NID2: variants seen among roughly 807,000 people sequenced by gnomAD.
NID2 encodes nidogen-2.
NID2 carries 83 observed loss-of-function variants against 145.4 expected under a neutral mutation model. That is an observed-to-expected ratio of 0.57 (90% CI 0.48 to 0.69). The LOEUF (loss-of-function observed/expected upper bound fraction) is 0.69. Ranked by LOEUF, NID2 falls within the 30% of genes least tolerant of loss-of-function variation. The pLI is 0.00. For synonymous variants in NID2, 739 were observed against 701.3 expected, an observed-to-expected ratio of 1.05 and a Z score of -0.85; for missense variants, 1,807 against 1,765.7, an observed-to-expected ratio of 1.02 and a Z score of -0.42.
chr14:52,047,506 T>C (rs1892545608), intron 5 of NID2, among the ~76,000 whole-genome samples: 1 of 152,034 alleles, frequency 6.6e-6, no homozygotes, highest in Non-Finnish European at 1.5e-5. Flanking sequence ...CTGAGTGAGA[T>C]GGGAAGCACT....
chr14:52,020,815 A>G (rs1358254543), intron 12 of NID2, among the ~76,000 whole-genome samples: 3 of 152,216 alleles, frequency 2.0e-5, no homozygotes, highest in Admixed American at 2.0e-4. Flanking sequence ...TACAAAATGG[A>G]AATCTAAATT....
rs144029477 is a variant in NID2 at position 52,065,287 on chromosome 14, G to A, written c.534+2571C>T. Among the ~76,000 whole-genome samples, 491 of 152,106 alleles carry A rather than the reference G, an allele frequency of 3.2e-3. 3 individuals carry two copies. Among genetic ancestry groups the A allele is most frequent in the African/African-American group, 0.011 (452 of 41,498 alleles). On this transcript the variant is annotated intron_variant, in intron 2 of 21. Coordinates refer to ENST00000216286, the MANE Select transcript of NID2 (RefSeq NM_007361.4). ...AGTTAGTAAGCCAAACTTTAAGAAC[G>A]CCATGTAGAACTCAGTCCTTCAAGC...
At position 52,029,678 on chromosome 14, in the gene NID2, G is replaced by A. The variant is rs1187730777; in HGVS notation, c.2270C>T (p.Pro757Leu). 1.9e-6 allele frequency: 3 copies of A among 1,613,768 alleles called. No individual in the cohort carries two copies. In the East Asian group the frequency reaches 6.7e-5, roughly 36 times the overall value. Residue 757 changes from proline (P) to leucine (L), a missense_variant, in exon 10 of 22, where the codon CCC (proline) becomes CTC (leucine). Coordinates refer to ENST00000216286, the MANE Select transcript of NID2 (RefSeq NM_007361.4). ...ATCATAGCAAGGATTCCCCGGAGTG[G>A]GGTCTGAATCCTCTGCATGAGTAGA... ...QIGPVKEDSD[P>L]TPGNPCYDGS...
In NID2 at chr14:52,060,040, T is replaced by C. The variant is rs181710078; in HGVS notation, c.767+84A>G. 266 of 928,808 alleles carry C rather than the reference T, an allele frequency of 2.9e-4. 2 individuals are homozygous for C. The African/African-American group carries it at 4.1e-3, about 14-fold the overall frequency. The allele number at this position is 928,808 out of a possible 1,614,324, so 57.5% of individuals were successfully genotyped here. A position where few individuals can be genotyped will look rare whatever the true frequency, so the allele number is the denominator to read the frequency against. ...TAGAAGCCACCAATATATTATGTAATGGTCTTATGGTCACTTGTGTTCAGG... is the reference window on the plus strand; with the variant it reads ...TAGAAGCCACCAATATATTATGTAACGGTCTTATGGTCACTTGTGTTCAGG... On this transcript the variant is annotated intron_variant, in intron 3 of 21. Coordinates refer to ENST00000216286, the MANE Select transcript of NID2 (RefSeq NM_007361.4).
intron 16 of NID2, 164 bp from the exon 17 acceptor site, chr14:52,011,847 G>A: frequency 1.3e-6 from 1 of 780,588 alleles, no homozygotes; most frequent in South Asian, 1.8e-5. Context: ...GTGAAATCTA[G>A]GCTCAGCCAC....
Position 52,060,276 on chromosome 14 carries a change from C to G in NID2, c.615G>C (p.Gln205His), listed in dbSNP as rs1426262608. ...ALFLYPANGLQFLGTRPKESY... is the reference protein window; with the variant it reads ...ALFLYPANGLHFLGTRPKESY... ...ACTCTTTGGGGCGGGTTCCAAGGAA[C>G]TGCAGGCCGTTGGCAGGATAAAGAA... Residue 205 changes from glutamine (Q) to histidine (H), a missense_variant, in exon 3 of 22, where the codon CAG becomes CAC. By Grantham distance (24) the Gln-to-His change is conservative. Coordinates refer to ENST00000216286, the MANE Select transcript of NID2 (RefSeq NM_007361.4). 1.2e-6 allele frequency: 2 copies of G among 1,612,458 alleles called. No individual in the cohort carries two copies. The highest frequency in any genetic ancestry group is 4.5e-5 in the East Asian group (2 of 44,786).
intron 18 of NID2, chr14:52,008,450 T>G (rs977692279): frequency 8.5e-5 from 13 of 152,896 alleles, no homozygotes; most frequent in African/African-American, 2.7e-4. Flanking sequence ...GAAGACACAC[T>G]TGGATTCCTG....
At chr14:52,018,855 C>A (rs1382416782) in intron 14 of NID2, among the ~76,000 whole-genome samples, 1 of 152,222 alleles carries the variant, frequency 6.6e-6, no homozygotes, top group Non-Finnish European at 1.5e-5. Context: ...AAATGTGTAA[C>A]AGATCATATG....
chr14:52,053,675 C>T lies in NID2; in HGVS notation c.1333G>A (p.Val445Ile), dbSNP rs753211478. The T allele has an allele frequency of 5.6e-6, 9 of 1,614,234 alleles. No individual in the cohort carries two copies. Among genetic ancestry groups the T allele is most frequent in the Non-Finnish European group, 7.6e-6 (9 of 1,180,042 alleles). The change falls in exon 5 of 22, where the codon GTT becomes ATT. Residue 445 changes from valine (V) to isoleucine (I), a missense_variant. Coordinates refer to ENST00000216286, the MANE Select transcript of NID2 (RefSeq NM_007361.4). ...VPPAHPEEEI[V>I]LRSYPASGHT... Reference sequence around the variant, plus strand: ...CCTGAAGCAGGGTAACTTCGAAGAACAATTTCTTCTTCAGGATGAGCTGGG... The same window carrying T: ...CCTGAAGCAGGGTAACTTCGAAGAATAATTTCTTCTTCAGGATGAGCTGGG...
Position 52,014,976 on chromosome 14 carries a change from C to A in NID2, c.3250+78G>T, listed in dbSNP as rs1891164983. On this transcript the variant is annotated intron_variant, in intron 15 of 21. Transcript: ENST00000216286. ...GACCTGGTGACCCCACATGTCCCCC[C>A]ACTTCACCACAGCAGGCACCATCCC... 4 of 1,195,878 alleles carry A rather than the reference C, an allele frequency of 3.3e-6. No homozygotes were observed. In the Admixed American group the frequency reaches 6.0e-5, roughly 18 times the overall value. The allele number at this position is 1,195,878 out of a possible 1,614,324, so 74.1% of individuals were successfully genotyped here.
chr14:52,032,409 G>A (rs533066066), intron 9 of NID2, among the ~76,000 whole-genome samples: 5 of 152,278 alleles, frequency 3.3e-5, no homozygotes, highest in South Asian at 4.1e-4. Flanking sequence ...ATCCTTGGAG[G>A]TCCGTTCCTC....
chr14:52,039,005 A>T (rs745937817), intron 8 of NID2, 28 bp from the exon 9 acceptor site: 20 of 1,471,290 alleles, frequency 1.4e-5, no homozygotes, highest in South Asian at 7.5e-5. Context: ...GTAATTTTTT[A>T]AAAATATTAA....
chr14:52,028,285 G>GTT (rs34635915), intron 11 of NID2, among the ~76,000 whole-genome samples: 1 of 151,354 alleles, frequency 6.6e-6, no homozygotes, highest in Non-Finnish European at 1.5e-5. Flanking sequence ...TTTTTTTTTT[G>GTT]TTTTTTTGAG....
chr14:52,053,558 C>G, intron 5 of NID2, 21 bp downstream of exon 5: 1 of 1,596,212 alleles, frequency 6.3e-7, no homozygotes, highest in Non-Finnish European at 8.6e-7. Flanking sequence ...ACCTTAGCAC[C>G]CAGTTTTCTA....
Position 52,068,925 on chromosome 14 carries a change from G to C in NID2, c.70C>G (p.Leu24Val), listed in dbSNP as rs1893324205. 1 of 1,613,704 alleles carries C rather than the reference G, an allele frequency of 6.2e-7. No individual in the cohort carries two copies. The highest frequency in any genetic ancestry group is 1.7e-5 in the Admixed American group (1 of 60,002). ...TGCAGCGCCGCGGCCCGCAACATTA[G>C]CAACGGCAGCAGCAGTAGCACTGGT... The part of the protein sequence containing the change: ...SLPVLLLLPL[L>V]MLRAAALHPD... Residue 24 changes from leucine to valine, a missense_variant, in exon 1 of 22, where the codon CTA (leucine) becomes GTA (valine). Transcript: ENST00000216286.
At chr14:52,053,980 A>C in intron 4 of NID2, 40 bp downstream of exon 4, 1 of 1,611,024 alleles carries the variant, frequency 6.2e-7, no homozygotes, top group Non-Finnish European at 8.5e-7. Context: ...TGTTGGATGC[A>C]AGGGGGAGGA....
intron 21 of NID2, 22 bp downstream of exon 21, chr14:52,005,715 C>T (rs755686365): frequency 1.0e-5 from 16 of 1,565,946 alleles, no homozygotes; most frequent in Admixed American, 1.7e-5. Flanking sequence ...TTTAAAGGAG[C>T]ATCCTAAAGC....
chr14:52,015,031 A>G, intron 15 of NID2, 23 bp downstream of exon 15: 3 of 1,588,930 alleles, frequency 1.9e-6, no homozygotes, highest in Non-Finnish European at 2.6e-6. Context: ...AGCTGAGGGG[A>G]GCGGGGGCGG....
At chr14:52,062,923 T>G (rs1893060175) in intron 2 of NID2, among the ~76,000 whole-genome samples, 2 of 152,248 alleles carry the variant, frequency 1.3e-5, no homozygotes, top group Admixed American at 6.5e-5. Context: ...TGGCAAGTAT[T>G]TAATTTCTTT....
Sources: gnomAD v4.1 joint callset for allele counts (sites outside exome capture counted in the v4.1 genomes callset) on GRCh38, gnomAD v4.1.1 for gene constraint, MANE v1.5 for transcripts, NCBI Gene and HGNC (gene_info 2026-07-23, HGNC 2026-07-21) for gene names.